The following TUBA1C variants were observed in gnomAD, a reference collection of about 807,000 sequenced individuals.
TUBA1C encodes the protein tubulin alpha 1c, also known as tubulin alpha-1C chain.
A neutral mutation model predicts 34.9 loss-of-function variants in TUBA1C; 16 were observed. The observed-to-expected ratio is 0.46, with a 90% CI of 0.31 to 0.70. The LOEUF is 0.70. Ranked by LOEUF, TUBA1C falls within the 30% of genes least tolerant of loss-of-function variation. The pLI is 0.05. For missense variants in TUBA1C, 329 were observed against 587.3 expected, an observed-to-expected ratio of 0.56 and a Z score of 4.55; for synonymous variants, 177 against 215.9, an observed-to-expected ratio of 0.82 and a Z score of 1.58.
chr12:49,235,163 T>C (rs1262373475), intron 1 of TUBA1C, among the ~76,000 whole-genome samples: 1 of 151,998 alleles, frequency 6.6e-6, no homozygotes, highest in Non-Finnish European at 1.5e-5. Flanking sequence ...AAAAAGTCTT[T>C]TAGACATCTC....
At chr12:49,243,369 A>T (rs891692435) in intron 1 of TUBA1C, among the ~76,000 whole-genome samples, 5 of 152,088 alleles carry the variant, frequency 3.3e-5, no homozygotes, top group Non-Finnish European at 7.4e-5. Flanking sequence ...TGAATCTGGG[A>T]GACAGAGGTT....
chr12:49,252,084 C>T (rs1390736989), intron 1 of TUBA1C, among the ~76,000 whole-genome samples: 1 of 152,088 alleles, frequency 6.6e-6, no homozygotes, highest in Non-Finnish European at 1.5e-5. Context: ...TACATCCATA[C>T]AATGCAATAC....
At chr12:49,271,469 GGCTTACTGGGCCAATACTGT>G (rs1402816818) in intron 3 of TUBA1C, among the ~76,000 whole-genome samples, 1 of 152,090 alleles carries the variant, frequency 6.6e-6, no homozygotes, top group Non-Finnish European at 1.5e-5. Context: ...GTCATATATT[GGCTTACTGGGCCAATACTGT>G]GCTTACTGTG....
Position 49,228,946 on chromosome 12 carries a change from C to T in TUBA1C, c.213+780C>T, listed in dbSNP as rs370642428. Among the ~76,000 whole-genome samples, 8 of 152,292 alleles carry T rather than the reference C, an allele frequency of 5.3e-5. No homozygotes were observed. The East Asian group carries it at 1.4e-3, about 26-fold the overall frequency. ...GCCCAAGGTTACAGAGAAAGGCAGT[C>T]GGGCCTTGAACCCAGGTGGTCTGCT... is the stretch of plus-strand genomic sequence containing the variant. On this transcript the variant is annotated intron_variant, in intron 1 of 3. Transcript: ENST00000541364.
chr12:49,228,066 A>G, exon 1 of TUBA1C: 1 of 1,535,698 alleles, frequency 6.5e-7, no homozygotes, highest in Admixed American at 2.0e-5. Flanking sequence ...TACATCTCTA[A>G]CTGGATTCTT....
At chr12:49,251,362 A>G (rs1942730243) in intron 1 of TUBA1C, among the ~76,000 whole-genome samples, 1 of 152,226 alleles carries the variant, frequency 6.6e-6, no homozygotes, top group Non-Finnish European at 1.5e-5. Context: ...AATTTATTCT[A>G]TAAATTCAAT....
chr12:49,260,918 AGAC>A (rs1942834652), upstream of TUBA1C, among the ~76,000 whole-genome samples: 1 of 151,990 alleles, frequency 6.6e-6, no homozygotes, highest in African/African-American at 2.4e-5. Context: ...ATTTTCATAG[AGAC>A]AGGGTTTCGC....
At chr12:49,245,864 T>C (rs925536070) in intron 1 of TUBA1C, among the ~76,000 whole-genome samples, 3 of 152,160 alleles carry the variant, frequency 2.0e-5, no homozygotes, top group Non-Finnish European at 4.4e-5. Flanking sequence ...TTCTACACAT[T>C]TACAGCAGAT....
At chr12:49,231,893 A>G (rs1265516966) in intron 1 of TUBA1C, among the ~76,000 whole-genome samples, 1 of 152,212 alleles carries the variant, frequency 6.6e-6, no homozygotes, top group Non-Finnish European at 1.5e-5. Flanking sequence ...ACACCTGCTC[A>G]TATGTTCTGT....
rs532890576 is a variant in TUBA1C, at chr12:49,246,821, G to C, written c.213+18655G>C. Among the ~76,000 whole-genome samples the C allele has an allele frequency of 2.0e-5, 3 of 152,204 alleles. No individual in the cohort carries two copies. The South Asian group carries it at 6.2e-4, about 32-fold the overall frequency. On this transcript the variant is annotated intron_variant, in intron 1 of 3. Coordinates refer to the TUBA1C transcript ENST00000541364. Reference sequence around the variant, plus strand: ...TCAACCAGGAGGCTACTCAGACACAGGGGGCAACCCCTAGGAAGCCAGACT... The same window carrying C: ...TCAACCAGGAGGCTACTCAGACACACGGGGCAACCCCTAGGAAGCCAGACT...
At chr12:49,266,471 C>G (rs1302481183) in intron 1 of TUBA1C, among the ~76,000 whole-genome samples, 1 of 151,942 alleles carries the variant, frequency 6.6e-6, no homozygotes, top group African/African-American at 2.4e-5. Flanking sequence ...AAACTAGTAC[C>G]ACGTGTTCTT....
rs1942959486 is a variant in TUBA1C at position 49,269,494 on chromosome 12, G to A, written c.33G>A (p.Gln11=). The change falls in exon 2 of 4, where the codon CAG becomes CAA. Residue 11 remains glutamine, a synonymous_variant. Transcript: ENST00000301072. The part of the protein sequence containing the change: MRECISIHVG[Q]AGVQIGNACW... ...AGTGCATCTCCATCCACGTTGGCCAGGCTGGTGTCCAGATTGGCAATGCCT... is the reference window on the plus strand; with the variant it reads ...AGTGCATCTCCATCCACGTTGGCCAAGCTGGTGTCCAGATTGGCAATGCCT... 6.2e-7 allele frequency: 1 copy of A among 1,614,222 alleles called. No individual in the cohort carries two copies.
chr12:49,270,307 C>A, intron 3 of TUBA1C: 1 of 423,876 alleles, frequency 2.4e-6, no homozygotes, highest in South Asian at 2.1e-5. Context: ...ATGGTTCCTT[C>A]ATGTCAATAC....
intron 1 of TUBA1C, among the ~76,000 whole-genome samples, chr12:49,238,567 G>T (rs565457632): frequency 6.6e-6 from 1 of 152,062 alleles, no homozygotes; most frequent in African/African-American, 2.4e-5. Flanking sequence ...CCTCCTCCTT[G>T]GGATCAATTA....
chr12:49,240,941 A>G (rs1478490420), intron 1 of TUBA1C, among the ~76,000 whole-genome samples: 1 of 151,570 alleles, frequency 6.6e-6, no homozygotes, highest in Non-Finnish European at 1.5e-5. Flanking sequence ...TCACTCTGTC[A>G]CCCAGGCTGG....
intron 1 of TUBA1C, among the ~76,000 whole-genome samples, chr12:49,251,145 G>A (rs549667117): frequency 6.6e-6 from 1 of 152,190 alleles, no homozygotes; most frequent in African/African-American, 2.4e-5. Context: ...AGGTGGAGGT[G>A]TCAGTGAGCT....
intron 1 of TUBA1C, among the ~76,000 whole-genome samples, chr12:49,252,723 A>C (rs1214144779): frequency 6.6e-6 from 1 of 152,184 alleles, no homozygotes; most frequent in Non-Finnish European, 1.5e-5. Flanking sequence ...CATCCTCACT[A>C]ACATGGTGAA....
At chr12:49,256,752 GT>G (rs1372612451) in intron 1 of TUBA1C, among the ~76,000 whole-genome samples, 1 of 152,198 alleles carries the variant, frequency 6.6e-6, no homozygotes, top group African/African-American at 2.4e-5. Flanking sequence ...TTAGAACCCT[GT>G]TCCAGCCTCC....
intron 1 of TUBA1C, among the ~76,000 whole-genome samples, chr12:49,231,717 C>CAGATAGAT (rs367832439): frequency 0.017 from 2,526 of 151,250 alleles, 67 homozygotes; most frequent in African/African-American, 0.058. Context: ...GACAGACAGA[C>CAGATAGAT]AGATAGATAG....
Sources: gnomAD v4.1 joint callset for allele counts (sites outside exome capture counted in the v4.1 genomes callset) on GRCh38, gnomAD v4.1.1 for gene constraint, MANE v1.5 for transcripts, NCBI Gene and HGNC (gene_info 2026-07-23, HGNC 2026-07-21) for gene names.